The following ZFAT variants were observed in gnomAD, a reference collection of about 807,000 sequenced individuals.
ZFAT encodes zinc finger protein ZFAT.
Under a neutral mutation model 117.7 loss-of-function variants are expected in ZFAT, and 64 were observed. The observed-to-expected ratio is 0.54, with a 90% CI of 0.44 to 0.67. The LOEUF is 0.67. ZFAT is among the 30% of genes least tolerant of loss of function. ZFAT has a pLI of 0.00. For synonymous variants in ZFAT, 679 were observed against 615.0 expected (o/e 1.10, Z -1.54); for missense variants, 1,433 against 1,584.5 (o/e 0.90, Z 1.62).
intron 10 of ZFAT, among the ~76,000 whole-genome samples, chr8:134,575,468 T>C (rs1825232388): frequency 6.6e-6 from 1 of 152,308 alleles, no homozygotes; most frequent in African/African-American, 2.4e-5. Context: ...CAGAGACAGG[T>C]TCCCCTCCAG....
intron 15 of ZFAT, among the ~76,000 whole-genome samples, chr8:134,487,765 G>A (rs560525918): frequency 5.9e-4 from 90 of 152,302 alleles, no homozygotes; most frequent in Middle Eastern, 3.4e-3. Context: ...CTCCGTCAGT[G>A]CCCCCTACAA....
chr8:134,696,415 G>T (rs562075409), intron 1 of ZFAT: 3 of 985,462 alleles, frequency 3.0e-6, no homozygotes, highest in East Asian at 2.3e-4. Context: ...GTGGAAACTC[G>T]CATCGGGAGA....
At chr8:134,619,028 A>T (rs1828931687) in intron 3 of ZFAT, among the ~76,000 whole-genome samples, 1 of 152,250 alleles carries the variant, frequency 6.6e-6, no homozygotes, top group Non-Finnish European at 1.5e-5. Flanking sequence ...TTTGGGAAGT[A>T]GGAAAAGTTT....
intron 7 of ZFAT, among the ~76,000 whole-genome samples, chr8:134,595,770 T>C (rs1427685454): frequency 6.6e-6 from 1 of 152,198 alleles, no homozygotes; most frequent in African/African-American, 2.4e-5. Context: ...TTGTTAAAGG[T>C]ACACATTCTT....
chr8:134,557,039 A>G (rs1353004287), intron 11 of ZFAT, among the ~76,000 whole-genome samples: 2 of 152,176 alleles, frequency 1.3e-5, no homozygotes, highest in Non-Finnish European at 2.9e-5. Flanking sequence ...TATATTGAGG[A>G]GTTCATAACA....
chr8:134,689,202 CAA>C (rs1833481236), intron 1 of ZFAT, among the ~76,000 whole-genome samples: 1 of 152,232 alleles, frequency 6.6e-6, no homozygotes, highest in Non-Finnish European at 1.5e-5. Context: ...CTTGCCATGG[CAA>C]TGCCGGAAGT....
upstream of ZFAT, chr8:134,713,064 A>G (rs1329131090): frequency 9.1e-6 from 5 of 548,550 alleles, no homozygotes; most frequent in East Asian, 3.6e-5. Flanking sequence ...CGGGGCGCAG[A>G]CGCCTGCGTA....
At chr8:134,826,020 CAAAA>C in the ZFAT span, among the ~76,000 whole-genome samples, 1 of 87,792 alleles carries the variant, frequency 1.1e-5, no homozygotes, top group Non-Finnish European at 2.4e-5. Flanking sequence ...GACTCTGTCT[CAAAA>C]AAAAAAAAAA....
chr8:134,590,452 C>G, intron 7 of ZFAT, 97 bp from the exon 8 acceptor site: 1 of 856,516 alleles, frequency 1.2e-6, no homozygotes, highest in Non-Finnish European at 1.9e-6. Flanking sequence ...CCACCACCAC[C>G]ACCACTACCA....
the ZFAT span, among the ~76,000 whole-genome samples, chr8:134,735,951 A>G: frequency 6.6e-6 from 1 of 152,194 alleles, no homozygotes; most frequent in Admixed American, 6.5e-5. Flanking sequence ...ATGGATATAT[A>G]CACTTTAGAA....
chr8:134,827,197 G>A, the ZFAT span, among the ~76,000 whole-genome samples: 2 of 152,126 alleles, frequency 1.3e-5, no homozygotes, highest in East Asian at 1.9e-4. Context: ...GACTACAGGC[G>A]TGTGCCACCA....
chr8:134,617,374 G>C (rs1196344670), intron 3 of ZFAT, among the ~76,000 whole-genome samples: 2 of 152,184 alleles, frequency 1.3e-5, no homozygotes, highest in Non-Finnish European at 2.9e-5. Context: ...TTTAGATTCA[G>C]CTTTGTTTTT....
intron 15 of ZFAT, among the ~76,000 whole-genome samples, chr8:134,508,104 T>G (rs1394077355): frequency 6.6e-6 from 1 of 152,068 alleles, no homozygotes; most frequent in African/African-American, 2.4e-5. Flanking sequence ...CTGAGAGAAA[T>G]CACACTGTGG....
chr8:134,747,826 C>T, the ZFAT span, among the ~76,000 whole-genome samples: 2 of 152,140 alleles, frequency 1.3e-5, no homozygotes, highest in Non-Finnish European at 2.9e-5. Context: ...ATCATATTAC[C>T]GAGGAGACCA....
chr8:134,755,817 C>CAAAAA, the ZFAT span, among the ~76,000 whole-genome samples: 126 of 89,770 alleles, frequency 1.4e-3, no homozygotes, highest in Middle Eastern at 0.012. Flanking sequence ...GACTCCATCT[C>CAAAAA]AAAAAAAAAA....
chr8:134,785,993 G>C, the ZFAT span: 1 of 152,056 alleles, frequency 6.6e-6, no homozygotes, highest in African/African-American at 2.4e-5. Flanking sequence ...ATTTTTATTG[G>C]ATGTATTATT....
At chr8:134,812,851 C>A in the ZFAT span, among the ~76,000 whole-genome samples, 5 of 152,168 alleles carry the variant, frequency 3.3e-5, no homozygotes, top group Admixed American at 6.5e-5. Flanking sequence ...CTAATTTAAT[C>A]CCCATAACAA....
At chr8:134,814,293 G>C in the ZFAT span, among the ~76,000 whole-genome samples, 1 of 152,174 alleles carries the variant, frequency 6.6e-6, no homozygotes, top group South Asian at 2.1e-4. Context: ...TTAACAAAAT[G>C]ATAGCTGTTT....
chr8:134,659,599 C>G (rs769925480), intron 1 of ZFAT, among the ~76,000 whole-genome samples: 5 of 152,210 alleles, frequency 3.3e-5, no homozygotes, highest in Non-Finnish European at 5.9e-5. Flanking sequence ...CTCACCCTCT[C>G]TGATGATTGT....
Sources: allele counts gnomAD v4.1 joint callset (sites outside exome capture counted in the v4.1 genomes callset), GRCh38; gene constraint gnomAD v4.1.1; transcripts MANE v1.5; gene names NCBI Gene and HGNC (gene_info 2026-07-23, HGNC 2026-07-21).